Variants in DNM3 observed in about 807,000 individuals in gnomAD.
DNM3 encodes the protein dynamin 3, also known as dynamin-3.
DNM3 carries 47 observed loss-of-function variants against 101.6 expected under a neutral mutation model. The ratio of observed to expected loss-of-function variants is 0.46; its 90% CI spans 0.37 to 0.59. The LOEUF (loss-of-function observed/expected upper bound fraction) is 0.59, where lower values mean the gene tolerates loss of function less well. Among genes scored for constraint, DNM3 ranks in the 20% least tolerant of loss-of-function variants. The pLI is 0.00. For missense variants in DNM3, 849 were observed against 1,085.7 expected (o/e 0.78, Z 3.06); for synonymous variants, 385 against 387.9 (o/e 0.99, Z 0.09).
chr1:172,172,378 G>A (rs1394236239), intron 14 of DNM3, among the ~76,000 whole-genome samples: 2 of 151,694 alleles, frequency 1.3e-5, no homozygotes, highest in African/African-American at 4.8e-5. Flanking sequence ...AACCGAGACA[G>A]CTACTAAATA....
chr1:172,053,730 G>T (rs903483282), intron 10 of DNM3, among the ~76,000 whole-genome samples: 2 of 152,106 alleles, frequency 1.3e-5, no homozygotes, highest in South Asian at 4.2e-4. Flanking sequence ...TAAAATTTAG[G>T]CAGGTTTTCT....
chr1:172,097,561 A>C (rs1231943761), intron 13 of DNM3, among the ~76,000 whole-genome samples: 1 of 152,174 alleles, frequency 6.6e-6, no homozygotes, highest in Non-Finnish European at 1.5e-5. Context: ...GTGGGAGTAC[A>C]TGAGACCACC....
chr1:172,218,651 A>G (rs983841121), intron 14 of DNM3, among the ~76,000 whole-genome samples: 3 of 152,152 alleles, frequency 2.0e-5, no homozygotes, highest in African/African-American at 7.2e-5. Context: ...TCTGAAATAT[A>G]TGTGGCTCCA....
rs192936487 is a variant in DNM3 at position 172,399,432 on chromosome 1, G to T, written c.2523-8340G>T. On this transcript the variant is annotated intron_variant, in intron 20 of 20. Coordinates refer to ENST00000627582, the MANE Select transcript of DNM3 (RefSeq NM_015569.5). ...AAATCATCCTTTTGCTCCCTCTTTT[G>T]TAAGAGCTAATACTGCAGACCAGTC... 9.1e-4 allele frequency among the ~76,000 whole-genome samples: 138 copies of T among 152,198 alleles called. 1 individual carries two copies. The highest frequency in any genetic ancestry group is 3.2e-3 in the African/African-American group (134 of 41,508).
At chr1:172,225,134 CTTTTTTT>C (rs1168334078) in intron 14 of DNM3, among the ~76,000 whole-genome samples, 22 of 65,528 alleles carry the variant, frequency 3.4e-4, no homozygotes, top group African/African-American at 9.9e-4. Context: ...TCTTCTTCCT[CTTTTTTT>C]TTTTTTTTTT....
intron 1 of DNM3, among the ~76,000 whole-genome samples, chr1:171,902,420 A>C (rs2038441508): frequency 6.6e-6 from 1 of 152,200 alleles, no homozygotes; most frequent in Non-Finnish European, 1.5e-5. Context: ...TAAGCCTTGA[A>C]ACCTCCTGAG....
At chr1:172,041,460 C>T (rs904996312) in intron 7 of DNM3, among the ~76,000 whole-genome samples, 8 of 152,126 alleles carry the variant, frequency 5.3e-5, no homozygotes, top group African/African-American at 1.9e-4. Flanking sequence ...AATAAACATC[C>T]AGTACAGTTG....
chr1:172,068,052 G>A (rs964876491), intron 10 of DNM3, among the ~76,000 whole-genome samples: 2 of 152,208 alleles, frequency 1.3e-5, no homozygotes, highest in Admixed American at 6.5e-5. Flanking sequence ...GGTTGGCCGG[G>A]CGTGGTGGCT....
intron 4 of DNM3, among the ~76,000 whole-genome samples, chr1:172,000,242 A>G (rs1250186637): frequency 2.0e-5 from 3 of 152,090 alleles, no homozygotes; most frequent in African/African-American, 7.2e-5. Flanking sequence ...TCCAGAGGAC[A>G]AGAGAAAAAT....
intron 1 of DNM3, among the ~76,000 whole-genome samples, chr1:171,892,021 A>G (rs938060453): frequency 3.9e-5 from 6 of 152,196 alleles, no homozygotes; most frequent in African/African-American, 1.4e-4. Context: ...TATTTATTCA[A>G]TAATTTATAT....
intron 20 of DNM3, among the ~76,000 whole-genome samples, chr1:172,400,097 C>T (rs192491287): frequency 3.6e-4 from 55 of 152,228 alleles, no homozygotes; most frequent in South Asian, 1.5e-3. Flanking sequence ...TACAGAGATT[C>T]GAAGTGTTGC....
At chr1:172,127,385 C>CTTATTATTATTATTA (rs60339425) in intron 13 of DNM3, among the ~76,000 whole-genome samples, 8 of 137,672 alleles carry the variant, frequency 5.8e-5, no homozygotes, top group East Asian at 4.2e-4. Flanking sequence ...TTACTCTCTA[C>CTTATTATTATTATTA]TTATTATTAT....
intron 14 of DNM3, among the ~76,000 whole-genome samples, chr1:172,167,404 G>A (rs1441931660): frequency 3.3e-5 from 5 of 152,054 alleles, no homozygotes; most frequent in African/African-American, 1.2e-4. Context: ...CTTGATAGCA[G>A]CATGATTTAT....
chr1:172,378,157 G>A (rs979903126), intron 17 of DNM3: 3 of 152,016 alleles, frequency 2.0e-5, no homozygotes, highest in Non-Finnish European at 4.4e-5. Context: ...GGCTTAGATG[G>A]TTCAAGCTGA....
chr1:172,329,862 G>A (rs1354203497), intron 17 of DNM3, among the ~76,000 whole-genome samples: 1 of 152,088 alleles, frequency 6.6e-6, no homozygotes, highest in East Asian at 1.9e-4. Flanking sequence ...CCTGCAAAAG[G>A]ACTAATTAAT....
At chr1:172,308,654 C>T (rs761622568) in intron 15 of DNM3, 74 bp from the exon 16 acceptor site, 2 of 655,686 alleles carry the variant, frequency 3.1e-6, no homozygotes, top group Admixed American at 3.9e-5. Flanking sequence ...ACATCATCAT[C>T]GTCTACAGCA....
At chr1:172,395,959 T>G (rs1366613178) in intron 20 of DNM3, among the ~76,000 whole-genome samples, 2 of 152,186 alleles carry the variant, frequency 1.3e-5, no homozygotes, top group Admixed American at 6.5e-5. Context: ...TACATCAAGT[T>G]TAGATCCCAT....
At chr1:171,908,165 T>A (rs1407631487) in intron 1 of DNM3, among the ~76,000 whole-genome samples, 1 of 152,226 alleles carries the variant, frequency 6.6e-6, no homozygotes, top group Non-Finnish European at 1.5e-5. Context: ...ATTTCACAAC[T>A]CATTTATTGG....
At position 172,067,204 on chromosome 1, in the gene DNM3, A is replaced by G. The variant is rs139025443; in HGVS notation, c.1336-1615A>G. Among the ~76,000 whole-genome samples the G allele has an allele frequency of 2.4e-3, 371 of 152,276 alleles. 6 individuals carry two copies. The highest frequency in any genetic ancestry group is 0.02 in the Admixed American group (301 of 15,292). Reference sequence around the variant, plus strand: ...TTGTTTTTCCTTCTGCTTATTGACTATTAAGTCTTTTACAAATTAAATCAT... The same window carrying G: ...TTGTTTTTCCTTCTGCTTATTGACTGTTAAGTCTTTTACAAATTAAATCAT... On this transcript the variant is annotated intron_variant, in intron 10 of 20. Transcript: ENST00000627582.
Sources: allele counts gnomAD v4.1 joint callset (sites outside exome capture counted in the v4.1 genomes callset), GRCh38; gene constraint gnomAD v4.1.1; transcripts MANE v1.5; gene names NCBI Gene and HGNC (gene_info 2026-07-23, HGNC 2026-07-21).